Variants in MAF observed in about 807,000 individuals in gnomAD.
MAF encodes MAF bZIP transcription factor, also known as transcription factor Maf.
MAF carries 10 observed loss-of-function variants against 22.0 expected under a neutral mutation model. The observed-to-expected ratio is 0.45, with a 90% confidence interval of 0.28 to 0.77. MAF has a LOEUF of 0.77. Among genes scored for constraint, MAF ranks in the 30% least tolerant of loss-of-function variants. The pLI is 0.12. For synonymous variants in MAF, 337 were observed against 255.8 expected, an observed-to-expected ratio of 1.32 and a Z score of -3.03; for missense variants, 544 against 548.4, an observed-to-expected ratio of 0.99 and a Z score of 0.08.
chr16:79,227,028 A>G, the MAF span, among the ~76,000 whole-genome samples: 3 of 152,078 alleles, frequency 2.0e-5, no homozygotes, highest in Admixed American at 2.0e-4. Flanking sequence ...AAATAAAAGC[A>G]GGTGGATTAT....
intron 1 of MAF, 180 bp from the exon 2 acceptor site, chr16:79,594,733 T>G: frequency 7.1e-7 from 1 of 1,415,084 alleles, no homozygotes; most frequent in Non-Finnish European, 9.2e-7. Flanking sequence ...CATGTATTTG[T>G]TTGCTACTCC....
chr16:79,225,828 G>A, the MAF span, among the ~76,000 whole-genome samples: 29 of 152,302 alleles, frequency 1.9e-4, no homozygotes, highest in South Asian at 5.4e-3. Context: ...AACACAATGA[G>A]ATACCATCTC....
the MAF span, among the ~76,000 whole-genome samples, chr16:79,467,941 G>T: frequency 6.6e-6 from 1 of 151,922 alleles, no homozygotes; most frequent in Non-Finnish European, 1.5e-5. Context: ...GGTGGTCGTG[G>T]GGGGGTGGTT....
At chr16:79,221,317 G>C in the MAF span, among the ~76,000 whole-genome samples, 1 of 152,154 alleles carries the variant, frequency 6.6e-6, no homozygotes, top group Non-Finnish European at 1.5e-5. Context: ...GAGAGAGGCT[G>C]AGCAGATCCT....
chr16:79,545,556 G>A, the MAF span, among the ~76,000 whole-genome samples: 18 of 151,150 alleles, frequency 1.2e-4, no homozygotes, highest in Middle Eastern at 3.5e-3. Context: ...ATAGAAAATC[G>A]TGGACATTAC....
the MAF span, among the ~76,000 whole-genome samples, chr16:79,286,124 A>G: frequency 6.6e-6 from 1 of 152,268 alleles, no homozygotes; most frequent in African/African-American, 2.4e-5. Flanking sequence ...ATATGGGCCA[A>G]CTAGTCAGCC....
At chr16:79,569,117 C>T in the MAF span, among the ~76,000 whole-genome samples, 1 of 152,188 alleles carries the variant, frequency 6.6e-6, no homozygotes, top group Admixed American at 6.5e-5. Context: ...CCCACTTCAC[C>T]TAGGAAGCCA....
chr16:79,373,166 A>T, the MAF span, among the ~76,000 whole-genome samples: 3 of 152,020 alleles, frequency 2.0e-5, no homozygotes, highest in East Asian at 5.8e-4. Flanking sequence ...CCTTAATAGC[A>T]CCTAGTAGCA....
chr16:79,426,448 A>T, the MAF span, among the ~76,000 whole-genome samples: 4 of 152,142 alleles, frequency 2.6e-5, no homozygotes, highest in Admixed American at 1.3e-4. Flanking sequence ...ATTACATAAG[A>T]GTATTTGTTA....
the MAF span, among the ~76,000 whole-genome samples, chr16:79,435,144 T>A: frequency 6.6e-6 from 1 of 152,138 alleles, no homozygotes; most frequent in Non-Finnish European, 1.5e-5. Flanking sequence ...CTTACACATA[T>A]ACGCAGTACA....
At chr16:79,574,604 C>T in the MAF span, among the ~76,000 whole-genome samples, 1 of 151,898 alleles carries the variant, frequency 6.6e-6, no homozygotes, top group Non-Finnish European at 1.5e-5. Flanking sequence ...GCTCAATTGA[C>T]CCATTTTCCA....
the MAF span, among the ~76,000 whole-genome samples, chr16:79,322,119 C>T: frequency 2.0e-5 from 3 of 152,086 alleles, no homozygotes; most frequent in African/African-American, 7.2e-5. Flanking sequence ...GTAATCCCAG[C>T]TACTCAGGAG....
the MAF span, chr16:79,212,829 GTGTTT>G: frequency 6.6e-6 from 1 of 152,188 alleles, no homozygotes; most frequent in Non-Finnish European, 1.5e-5. Context: ...GAGTGAGTTT[GTGTTT>G]TGTTTTTGTG....
chr16:79,211,753 G>A, the MAF span: 2 of 1,614,200 alleles, frequency 1.2e-6, no homozygotes, highest in South Asian at 2.2e-5. Context: ...TGGGCGCTCA[G>A]CGAGAGGCTG....
At chr16:79,365,402 G>A in the MAF span, among the ~76,000 whole-genome samples, 325 of 152,246 alleles carry the variant, frequency 2.1e-3, 1 homozygote, top group African/African-American at 6.8e-3. Flanking sequence ...CAAATACAAC[G>A]CTGCTGATGT....
At chr16:79,267,197 T>C in the MAF span, among the ~76,000 whole-genome samples, 1 of 152,238 alleles carries the variant, frequency 6.6e-6, no homozygotes, top group Non-Finnish European at 1.5e-5. Context: ...GTGGAAGTTC[T>C]GTCCATGAAG....
the MAF span, among the ~76,000 whole-genome samples, chr16:79,288,154 G>A: frequency 6.6e-6 from 1 of 152,162 alleles, no homozygotes; most frequent in Non-Finnish European, 1.5e-5. Context: ...CTTCTTCAAG[G>A]AGATGATGAC....
chr16:79,381,170 C>T, the MAF span, among the ~76,000 whole-genome samples: 2 of 152,278 alleles, frequency 1.3e-5, no homozygotes, highest in South Asian at 4.1e-4. Flanking sequence ...GTACGTTCAA[C>T]AGCATGTGCC....
At chr16:79,579,315 TCA>T in the MAF span, among the ~76,000 whole-genome samples, 35 of 152,304 alleles carry the variant, frequency 2.3e-4, no homozygotes, top group Admixed American at 1.8e-3. Context: ...TTAGAAAAAG[TCA>T]CAGTTTCAGA....
Sources: allele counts gnomAD v4.1 joint callset (sites outside exome capture counted in the v4.1 genomes callset), GRCh38; gene constraint gnomAD v4.1.1; transcripts MANE v1.5; gene names NCBI Gene and HGNC (gene_info 2026-07-23, HGNC 2026-07-21).